TLDC2: variants seen among roughly 807,000 people sequenced by gnomAD.
TLDC2 encodes TBC/LysM-associated domain containing 2, also known as TLD domain-containing protein 2.
Under a neutral mutation model 27.9 loss-of-function variants are expected in TLDC2, and 23 were observed. The ratio of observed to expected loss-of-function variants is 0.82; its 90% CI spans 0.59 to 1.17. The LOEUF (loss-of-function observed/expected upper bound fraction) is 1.17. TLDC2 is among the 50% of genes most tolerant of loss of function. The pLI is 0.00. For missense variants in TLDC2, 286 were observed against 273.4 expected (o/e 1.05, Z -0.32); for synonymous variants, 124 against 107.4 (o/e 1.16, Z -0.96).
chr20:36,880,557 C>T, intron 3 of TLDC2, 98 bp from the exon 4 acceptor site: 1 of 1,005,288 alleles, frequency 9.9e-7, no homozygotes, highest in African/African-American at 1.6e-5. Context: ...TCCCAGGTGT[C>T]CTCTAGGATG....
chr20:36,876,804 G>A lies in TLDC2; in HGVS notation c.33+597G>A, dbSNP rs148815308. On this transcript the variant is annotated intron_variant, in intron 1 of 6. Coordinates refer to ENST00000217320, the MANE Select transcript of TLDC2 (RefSeq NM_080628.3). ...ACACTCTGGTACAGAGTGGAAGCTC[G>A]GATGAATGAATGAGTGAATAATGAT... is the stretch of plus-strand genomic sequence containing the variant. 5.2e-3 allele frequency among the ~76,000 whole-genome samples: 797 copies of A among 152,018 alleles called. 6 individuals carry two copies. The highest frequency in any genetic ancestry group is 0.018 in the African/African-American group (730 of 41,454).
At chr20:36,884,332 T>C (rs1989875027) in intron 4 of TLDC2, among the ~76,000 whole-genome samples, 1 of 152,204 alleles carries the variant, frequency 6.6e-6, no homozygotes, top group African/African-American at 2.4e-5. Flanking sequence ...TGCTCCTGCC[T>C]CAGGGCCTTT....
At chr20:36,890,709 C>T (rs1990053847) in intron 6 of TLDC2, 1 of 152,130 alleles carries the variant, frequency 6.6e-6, no homozygotes, top group South Asian at 2.1e-4. Context: ...AACTCTTTAC[C>T]TCAAGTGATC....
Position 36,893,315 on chromosome 20 carries a change from A to G in TLDC2, c.*471A>G, listed in dbSNP as rs1372302989. The G allele has an allele frequency of 1.8e-6, 1 of 556,976 alleles. No individual in the cohort carries two copies. The highest frequency in any genetic ancestry group is 1.9e-5 in the African/African-American group (1 of 52,874). The allele number at this position is 556,976 out of a possible 1,614,324, so 34.5% of individuals were successfully genotyped here. On this transcript the variant is annotated 3_prime_UTR_variant, in exon 7 of 7. Coordinates refer to ENST00000217320, the MANE Select transcript of TLDC2 (RefSeq NM_080628.3). Reference sequence around the variant, plus strand: ...CTCTGCAGAGATGACTGGGAGCAGCATACCACTGCCCACCTCTATGGCCTC... The same window carrying G: ...CTCTGCAGAGATGACTGGGAGCAGCGTACCACTGCCCACCTCTATGGCCTC...
At chr20:36,880,073 A>ATATG (rs1555828529) in intron 3 of TLDC2, among the ~76,000 whole-genome samples, 1 of 40,574 alleles carries the variant, frequency 2.5e-5, no homozygotes, top group Admixed American at 2.5e-4. Flanking sequence ...ATATATACAT[A>ATATG]TATATATATA....
rs1421415525 is a variant in TLDC2, at chr20:36,879,066, T to C, written c.215T>C (p.Val72Ala). The change falls in exon 3 of 7, where the codon GTC becomes GCC. Residue 72 changes from valine to alanine, a missense_variant. Val to Ala is a moderately conservative substitution (Grantham distance 64, BLOSUM62 0). Coordinates refer to ENST00000217320, the MANE Select transcript of TLDC2 (RefSeq NM_080628.3). ...RQLSFHFPPR[V>A]TGHPWSLVFC... The stretch of plus-strand genomic sequence containing the variant: ...CTCAGCTTTCACTTCCCACCAAGAG[T>C]CACCGGCCATCCCTGGAGTCTGGTC... 5.6e-6 allele frequency: 9 copies of C among 1,612,712 alleles called. No individual in the cohort carries two copies. The highest frequency in any genetic ancestry group is 7.6e-6 in the Non-Finnish European group (9 of 1,179,604).
chr20:36,879,100 G>A lies in TLDC2; in HGVS notation c.249G>A (p.Thr83=), dbSNP rs200531375. The change falls in exon 3 of 7, where the codon ACG becomes ACA. Residue 83 remains threonine, a synonymous_variant. Transcript: ENST00000217320. The part of the protein sequence containing the change: ...TGHPWSLVFC[T]SRDGFSLQSL... ...ATCCCTGGAGTCTGGTCTTCTGCAC[G>A]TCAAGGGACGGTTTCAGCCTGCAGA... The A allele has an allele frequency of 8.9e-5, 144 of 1,614,032 alleles. No homozygotes were observed. The highest frequency in any genetic ancestry group is 6.7e-5 in the East Asian group (3 of 44,886).
intron 1 of TLDC2, among the ~76,000 whole-genome samples, chr20:36,877,380 CAAAA>C (rs372293425): frequency 1.1e-5 from 1 of 94,672 alleles, no homozygotes; most frequent in Non-Finnish European, 2.1e-5. Context: ...GACCCTGTCT[CAAAA>C]AAAAAAAAAA....
At chr20:36,881,660 G>A (rs1245582134) in intron 4 of TLDC2, among the ~76,000 whole-genome samples, 2 of 152,142 alleles carry the variant, frequency 1.3e-5, no homozygotes, top group African/African-American at 2.4e-5. Flanking sequence ...CCGGCAGAGA[G>A]GGAAAGGAAG....
At chr20:36,877,268 C>T (rs1298197018) in intron 1 of TLDC2, among the ~76,000 whole-genome samples, 1 of 151,368 alleles carries the variant, frequency 6.6e-6, no homozygotes, top group African/African-American at 2.4e-5. Context: ...GTCATCCCAG[C>T]TATTTGGGAG....
chr20:36,887,668 G>A, intron 5 of TLDC2, 140 bp downstream of exon 5: 1 of 780,652 alleles, frequency 1.3e-6, no homozygotes, highest in Non-Finnish European at 2.2e-6. Context: ...TCATTGCTCA[G>A]CCTCCCAGCC....
In TLDC2 at chr20:36,876,669, ACACT is replaced by A. The variant is rs551065586; in HGVS notation, c.33+466_33+469del. On this transcript the variant is annotated intron_variant, in intron 1 of 6. Transcript: ENST00000217320. ...CACACGCATACACATGCAAACACAC[ACACT>A]CACACACTCAAACACACTCAAATGC... Among the ~76,000 whole-genome samples the A allele has an allele frequency of 5.3e-3, 808 of 152,160 alleles. 2 individuals are homozygous for A. The highest frequency in any genetic ancestry group is 0.014 in the Middle Eastern group (4 of 294).
At chr20:36,878,673 G>A (rs922712400) in intron 2 of TLDC2, among the ~76,000 whole-genome samples, 1 of 152,022 alleles carries the variant, frequency 6.6e-6, no homozygotes, top group Non-Finnish European at 1.5e-5. Flanking sequence ...ATGAGACGGA[G>A]GATCAGGAGG....
In TLDC2 at chr20:36,877,380, C is replaced by CAA. The variant is rs372293425; in HGVS notation, c.34-504_34-503dup. On this transcript the variant is annotated intron_variant, in intron 1 of 6. Transcript: ENST00000217320. Reference sequence around the variant, plus strand: ...TGGGTGACAGAGCAAGACCCTGTCTCAAAAAAAAAAAAAAAAGGAAAAAGA... The same window carrying CAA: ...TGGGTGACAGAGCAAGACCCTGTCTCAAAAAAAAAAAAAAAAAAGGAAAAAGA... 2.0e-3 allele frequency among the ~76,000 whole-genome samples: 186 copies of CAA among 94,626 alleles called. 1 individual carries two copies. Among genetic ancestry groups the CAA allele is most frequent in the East Asian group, 3.3e-3 (9 of 2,740 alleles). The allele number at this position is 94,626 out of a possible 152,430, so 62.1% of individuals were successfully genotyped here. A position where few individuals can be genotyped will look rare whatever the true frequency, so the allele number is the denominator to read the frequency against.
chr20:36,886,807 A>T (rs1429823157), intron 4 of TLDC2, among the ~76,000 whole-genome samples: 2 of 152,150 alleles, frequency 1.3e-5, no homozygotes, highest in African/African-American at 2.4e-5. Context: ...CGCCAGTCCC[A>T]GGCTGCACTT....
chr20:36,883,790 A>G (rs1364028891), intron 4 of TLDC2, among the ~76,000 whole-genome samples: 2 of 152,170 alleles, frequency 1.3e-5, no homozygotes, highest in African/African-American at 4.8e-5. Context: ...AGCTGGAGTG[A>G]TCCTTTTAAA....
At chr20:36,876,122 G>T (rs770488479), upstream of TLDC2, 25 of 1,612,706 alleles carry the variant, frequency 1.6e-5, no homozygotes, top group Admixed American at 2.2e-4. Flanking sequence ...TCCTTCCTGG[G>T]CAGGGCTGAG....
chr20:36,881,636 A>G (rs1989818851), intron 4 of TLDC2, among the ~76,000 whole-genome samples: 1 of 152,210 alleles, frequency 6.6e-6, no homozygotes, highest in Non-Finnish European at 1.5e-5. Context: ...GGGTTTTGCC[A>G]AACTGGCTTA....
At chr20:36,889,528 TGGGG>T in intron 6 of TLDC2, 125 bp downstream of exon 6, 1 of 1,232,484 alleles carries the variant, frequency 8.1e-7, no homozygotes, top group Non-Finnish European at 1.1e-6. Flanking sequence ...CCTTGTGGCC[TGGGG>T]ACCCAAGATA....
Sources: allele counts gnomAD v4.1 joint callset (sites outside exome capture counted in the v4.1 genomes callset), GRCh38; gene constraint gnomAD v4.1.1; transcripts MANE v1.5; gene names NCBI Gene and HGNC (gene_info 2026-07-23, HGNC 2026-07-21).